RRAGB: variants seen among roughly 807,000 people sequenced by gnomAD.
RRAGB encodes the protein ras-related GTP-binding protein B.
A neutral mutation model predicts 29.3 loss-of-function variants in RRAGB; 6 were observed. The ratio of observed to expected loss-of-function variants is 0.21; its 90% CI spans 0.11 to 0.40. The LOEUF is 0.40. Among genes scored for constraint, RRAGB ranks in the 10% least tolerant of loss-of-function variants. RRAGB has a pLI of 1.00. For synonymous variants in RRAGB, 101 were observed against 92.5 expected (o/e 1.09, Z -0.53); for missense variants, 184 against 272.9 (o/e 0.67, Z 2.29).
intron 5 of RRAGB, among the ~76,000 whole-genome samples, chrX:55,734,261 C>A (rs1417319060): frequency 9.3e-6 from 1 of 107,218 alleles, no homozygotes; most frequent in Non-Finnish European, 1.9e-5. Flanking sequence ...CCGTGCCCGG[C>A]TGGGTTTTTT....
At chrX:55,727,027 A>C (rs1160934849) in intron 3 of RRAGB, among the ~76,000 whole-genome samples, 1 of 111,595 alleles carries the variant, frequency 9.0e-6, no homozygotes, top group Non-Finnish European at 1.9e-5. Flanking sequence ...GATCTGCCAG[A>C]GAAGTTGTAG....
At chrX:55,721,624 A>C (rs1187196848) in intron 2 of RRAGB, among the ~76,000 whole-genome samples, 1 of 111,299 alleles carries the variant, frequency 9.0e-6, no homozygotes, top group Non-Finnish European at 1.9e-5. Context: ...GACTAGATCA[A>C]GGAGGGTCTT....
chrX:55,720,287 C>T (rs1425338627), intron 2 of RRAGB, among the ~76,000 whole-genome samples: 7 of 111,989 alleles, frequency 6.3e-5, no homozygotes, highest in Non-Finnish European at 1.3e-4. Flanking sequence ...ATATATCAAA[C>T]ATTGCATTGT....
Position 55,729,372 on chromosome X carries a change from C to T in RRAGB, c.293+12C>T. The T allele has an allele frequency of 8.7e-7, 1 of 1,147,210 alleles. No individual in the cohort carries two copies. The highest frequency in any genetic ancestry group is 1.2e-6 in the Non-Finnish European group (1 of 839,760). The allele number at this position is 1,147,210 out of a possible 1,213,427, so 94.5% of individuals were successfully genotyped here. The stretch of plus-strand genomic sequence containing the variant: ...TGGGATTGTGGTGGGTAAGTACCAT[C>T]TGCTTACTTGTTTGTGAAGCCGATG... On this transcript the variant is annotated intron_variant, in intron 4 of 9. Transcript: ENST00000374941.
chrX:55,729,542 C>G, intron 4 of RRAGB, among the ~76,000 whole-genome samples, 182 bp downstream of exon 4: 1 of 111,366 alleles, frequency 9.0e-6, no homozygotes, highest in Non-Finnish European at 1.9e-5. Context: ...AAAATGCCCT[C>G]TGTATGTGAC....
At chrX:55,746,546 A>G (rs2147111484) in intron 5 of RRAGB, among the ~76,000 whole-genome samples, 1 of 112,397 alleles carries the variant, frequency 8.9e-6, no homozygotes, top group South Asian at 3.8e-4. Flanking sequence ...ATAATTGAGG[A>G]AAGAAGCTGG....
Position 55,729,364 on chromosome X carries a change from A to G in RRAGB, c.293+4A>G. On this transcript the variant is annotated splice_donor_region_variant and intron_variant, in intron 4 of 9. Coordinates refer to ENST00000374941, the MANE Select transcript of RRAGB (RefSeq NM_006064.5). ...TGAACCTGTGGGATTGTGGTGGGTA[A>G]GTACCATCTGCTTACTTGTTTGTGA... is the stretch of plus-strand genomic sequence containing the variant. 8.5e-7 allele frequency: 1 copy of G among 1,171,221 alleles called. No individual in the cohort carries two copies.
At chrX:55,731,704 A>G in intron 5 of RRAGB, 118 bp downstream of exon 5, 1 of 481,617 alleles carries the variant, frequency 2.1e-6, no homozygotes, top group Non-Finnish European at 3.4e-6. Context: ...AGAAGTTTTG[A>G]AAGTAAAGTT....
intron 5 of RRAGB, among the ~76,000 whole-genome samples, chrX:55,732,151 C>T (rs998970486): frequency 8.0e-5 from 9 of 112,031 alleles, no homozygotes; most frequent in Admixed American, 2.8e-4. Flanking sequence ...AACCAGTCTT[C>T]ATTCCCCTAC....
Position 55,718,212 on chromosome X carries a change from G to A in RRAGB, c.-116G>A. The A allele has an allele frequency of 2.0e-6, 1 of 508,684 alleles. No homozygotes were observed. Among genetic ancestry groups the A allele is most frequent in the Middle Eastern group, 4.1e-4 (1 of 2,426 alleles). 41.9% of individuals were successfully genotyped at this position (508,684 alleles called of 1,213,427 possible). The stretch of plus-strand genomic sequence containing the variant: ...AGGCAAGAATAGAGCAGGCCTGAGG[G>A]CCATAGGCGATGAGAATAGGCAGTT... On this transcript the variant is annotated 5_prime_UTR_variant, in exon 1 of 10. Transcript: ENST00000374941.
At chrX:55,721,286 G>A (rs774385764) in intron 2 of RRAGB, among the ~76,000 whole-genome samples, 2 of 111,960 alleles carry the variant, frequency 1.8e-5, no homozygotes, top group South Asian at 7.5e-4. Context: ...TAACTGCAAT[G>A]CATTATAGTC....
chrX:55,734,639 G>T (rs1199679286), intron 5 of RRAGB, among the ~76,000 whole-genome samples: 1 of 110,856 alleles, frequency 9.0e-6, no homozygotes, highest in East Asian at 2.8e-4. Flanking sequence ...TCTAATCTTT[G>T]TTATTTCTTA....
chrX:55,748,625 C>T (rs780817253), intron 5 of RRAGB, among the ~76,000 whole-genome samples: 8 of 108,928 alleles, frequency 7.3e-5, no homozygotes, highest in South Asian at 4.0e-4. Flanking sequence ...GGAGACCCTC[C>T]GCCTGGCAAC....
At chrX:55,748,243 C>T (rs1464573849) in intron 5 of RRAGB, among the ~76,000 whole-genome samples, 1 of 112,428 alleles carries the variant, frequency 8.9e-6, no homozygotes, top group African/African-American at 3.2e-5. Flanking sequence ...AGCTGCCTGC[C>T]TTGGCCTCCC....
chrX:55,720,756 TG>T (rs2033243904), intron 2 of RRAGB, among the ~76,000 whole-genome samples: 1 of 103,101 alleles, frequency 9.7e-6, no homozygotes, highest in Admixed American at 1.0e-4. Flanking sequence ...ATGGCTGAGG[TG>T]GGGGGCTCAG....
At chrX:55,719,208 T>C (rs1465909738) in intron 1 of RRAGB, 106 bp from the exon 2 acceptor site, 2 of 674,237 alleles carry the variant, frequency 3.0e-6, no homozygotes, top group Non-Finnish European at 4.5e-6. Context: ...ACTCAGCCGT[T>C]GTACTAAACA....
At chrX:55,745,973 C>T (rs2034232196) in intron 5 of RRAGB, among the ~76,000 whole-genome samples, 1 of 111,435 alleles carries the variant, frequency 9.0e-6, no homozygotes, top group African/African-American at 3.3e-5. Flanking sequence ...GAATTAGGGT[C>T]ATTTCAGAGC....
In RRAGB at chrX:55,728,823, AGAG is replaced by A. The variant is rs758184382; in HGVS notation, c.227-467_227-465del. 9.8e-3 allele frequency among the ~76,000 whole-genome samples: 1,094 copies of A among 111,186 alleles called. 6 individuals carry two copies. The highest frequency in any genetic ancestry group is 0.017 in the Non-Finnish European group (897 of 52,976). ...GATTAGCAATGTATTGAATGTGGAT[AGAG>A]GAGTCAAAAGTGGGAAAAAGTTAGG... On this transcript the variant is annotated intron_variant, in intron 3 of 9. Coordinates refer to ENST00000374941, the MANE Select transcript of RRAGB (RefSeq NM_006064.5).
chrX:55,730,224 A>G (rs918223210), intron 4 of RRAGB, among the ~76,000 whole-genome samples: 3 of 112,433 alleles, frequency 2.7e-5, no homozygotes, highest in Admixed American at 1.9e-4. Flanking sequence ...TGTTGAAAGA[A>G]TAATGCAATA....
Sources: gnomAD v4.1 joint callset for allele counts (sites outside exome capture counted in the v4.1 genomes callset) on GRCh38, gnomAD v4.1.1 for gene constraint, MANE v1.5 for transcripts, NCBI Gene and HGNC (gene_info 2026-07-23, HGNC 2026-07-21) for gene names.